The following RGP1 variants were observed in gnomAD, a reference collection of about 807,000 sequenced individuals.
RGP1 encodes the protein RGP1 partner of RAB6A GEF complex.
Under a neutral mutation model 44.5 loss-of-function variants are expected in RGP1, and 28 were observed. That is an observed-to-expected ratio of 0.63 (90% CI 0.47 to 0.86). The LOEUF (loss-of-function observed/expected upper bound fraction) is 0.86, where lower values mean the gene tolerates loss of function less well. Ranked by LOEUF, RGP1 falls within the 40% of genes least tolerant of loss-of-function variation. The pLI is 0.00. For missense variants in RGP1, 417 were observed against 490.7 expected (o/e 0.85, Z 1.42); for synonymous variants, 212 against 196.7 (o/e 1.08, Z -0.65).
downstream of RGP1, among the ~76,000 whole-genome samples, chr9:35,760,829 C>T (rs16932596): frequency 0.047 from 7,203 of 152,278 alleles, 517 homozygotes; most frequent in African/African-American, 0.16. Flanking sequence ...GCTTTGCTTC[C>T]GCTTTTGGCC....
rs1296753470 is a variant in RGP1, at chr9:35,749,673, G to T, written c.-19-64G>T. On this transcript the variant is annotated intron_variant, in intron 1 of 8. Transcript: ENST00000378078. This position sits in a 1 kb window ranked among gnomAD's most constrained non-coding sequence, Gnocchi z 4.4. ...CCCTGTCCTCAGCCCTCAGCCCTAG[G>T]TGCTCACCGCAACGCCCCTCCCTGT... The T allele has an allele frequency of 4.5e-5, 43 of 957,732 alleles. No individual in the cohort carries two copies. The East Asian group carries it at 1.1e-3, about 24-fold the overall frequency. The allele number at this position is 957,732 out of a possible 1,614,324, so 59.3% of individuals were successfully genotyped here.
chr9:35,770,229 A>C, the RGP1 span, among the ~76,000 whole-genome samples: 1 of 152,190 alleles, frequency 6.6e-6, no homozygotes, highest in Admixed American at 6.5e-5. Flanking sequence ...GGAGAATTCA[A>C]GAATAACTGA....
Position 35,753,162 on chromosome 9 carries a change from C to T in RGP1, c.*288C>T, listed in dbSNP as rs1827297599. On this transcript the variant is annotated 3_prime_UTR_variant, in exon 9 of 9. Coordinates refer to ENST00000378078, the MANE Select transcript of RGP1 (RefSeq NM_001080496.3). The surrounding 1 kb of genome is among the most constrained non-coding windows in gnomAD (Gnocchi z 4.2). ...GTGTTGGCTGAGCCCCATTCTGGGT[C>T]AGGCCCTCCCCCTTTGCAGGGCAGC... The T allele has an allele frequency of 1.2e-6, 2 of 1,614,058 alleles. No homozygotes were observed. Among genetic ancestry groups the T allele is most frequent in the African/African-American group, 1.3e-5 (1 of 74,920 alleles).
At chr9:35,776,425 T>G in the RGP1 span, among the ~76,000 whole-genome samples, 2 of 151,854 alleles carry the variant, frequency 1.3e-5, no homozygotes, top group Non-Finnish European at 2.9e-5. Flanking sequence ...GTAGCTGGAA[T>G]TACGGGCGTC....
At chr9:35,779,838 G>C in the RGP1 span, among the ~76,000 whole-genome samples, 1 of 152,090 alleles carries the variant, frequency 6.6e-6, no homozygotes, top group African/African-American at 2.4e-5. Context: ...GGGCACAAGT[G>C]ATCCTCCTGC....
At chr9:35,752,288 C>T (rs1827279740) in intron 8 of RGP1, 143 bp downstream of exon 8, 1 of 825,622 alleles carries the variant, frequency 1.2e-6, no homozygotes, top group African/African-American at 1.7e-5. Flanking sequence ...TTTCTCAGAC[C>T]TTCAACCTCT....
At chr9:35,760,998 A>C (rs1320685323), downstream of RGP1, among the ~76,000 whole-genome samples, 1 of 152,232 alleles carries the variant, frequency 6.6e-6, no homozygotes, top group Non-Finnish European at 1.5e-5. Context: ...CCCCATCCCC[A>C]AAACTACCCA....
At chr9:35,782,734 C>A in the RGP1 span, among the ~76,000 whole-genome samples, 6 of 151,964 alleles carry the variant, frequency 3.9e-5, no homozygotes, top group Admixed American at 2.6e-4. Context: ...GTGTGAGCCA[C>A]CACGCCAGGC....
In RGP1 at chr9:35,755,259, C is replaced by A. The variant is rs367891384; in HGVS notation, c.*2385C>A. On this transcript the variant is annotated 3_prime_UTR_variant, in exon 9 of 9. Coordinates refer to ENST00000378078, the MANE Select transcript of RGP1 (RefSeq NM_001080496.3). ...TGTTATGAGGATTACTGAGATAATGCGTGCAGTGCTCTTATCACCATCTCT... is the reference window on the plus strand; with the variant it reads ...TGTTATGAGGATTACTGAGATAATGAGTGCAGTGCTCTTATCACCATCTCT... The A allele has an allele frequency of 6.6e-6, 1 of 152,224 alleles. No individual in the cohort carries two copies. Among genetic ancestry groups the A allele is most frequent in the African/African-American group, 2.4e-5 (1 of 41,444 alleles). The allele number at this position is 152,224 out of a possible 1,614,324, so 9.4% of individuals were successfully genotyped here. A position where few individuals can be genotyped will look rare whatever the true frequency, so the allele number is the denominator to read the frequency against.
chr9:35,759,567 C>CAAAAAAA (rs57938702), downstream of RGP1, among the ~76,000 whole-genome samples: 3 of 38,308 alleles, frequency 7.8e-5, no homozygotes, highest in African/African-American at 1.0e-4. Flanking sequence ...ACCCTGTCTC[C>CAAAAAAA]AAAAAAAAAA....
At chr9:35,765,434 A>T in the RGP1 span, among the ~76,000 whole-genome samples, 1 of 152,216 alleles carries the variant, frequency 6.6e-6, no homozygotes, top group Non-Finnish European at 1.5e-5. Context: ...AAGCAGGCAG[A>T]CTGCTTGAGT....
In RGP1 at chr9:35,754,123, G is replaced by C. The variant is rs749891428; in HGVS notation, c.*1249G>C. 1.9e-6 allele frequency: 3 copies of C among 1,612,610 alleles called. No individual in the cohort carries two copies. In the East Asian group the frequency reaches 6.7e-5, roughly 36 times the overall value. On this transcript the variant is annotated 3_prime_UTR_variant, in exon 9 of 9. Transcript: ENST00000378078. Reference sequence around the variant, plus strand: ...GCCTGTCCAGCCCAGAGCATCCTTAGGGCCATTGCTGCTGCACAGCCCTCT... The same window carrying C: ...GCCTGTCCAGCCCAGAGCATCCTTACGGCCATTGCTGCTGCACAGCCCTCT...
In RGP1 at chr9:35,753,036, G is replaced by A; in HGVS notation, c.*162G>A. 6.3e-7 allele frequency: 1 copy of A among 1,583,624 alleles called. No individual in the cohort carries two copies. The highest frequency in any genetic ancestry group is 8.6e-7 in the Non-Finnish European group (1 of 1,157,682). On this transcript the variant is annotated 3_prime_UTR_variant, in exon 9 of 9. Transcript: ENST00000378078. The surrounding 1 kb of genome is among the most constrained non-coding windows in gnomAD (Gnocchi z 4.2). ...ATTTGTTCAGAATACATTGGCAGCT[G>A]CTAGTGGTTTCCCTGGAAGTGGCAG...
At chr9:35,788,452 G>A in the RGP1 span, among the ~76,000 whole-genome samples, 1 of 152,166 alleles carries the variant, frequency 6.6e-6, no homozygotes, top group South Asian at 2.1e-4. Flanking sequence ...TGTAATCCCA[G>A]CTACTTGGAA....
At chr9:35,770,935 G>A in the RGP1 span, among the ~76,000 whole-genome samples, 3 of 152,222 alleles carry the variant, frequency 2.0e-5, no homozygotes, top group South Asian at 2.1e-4. Flanking sequence ...TCACACAGGC[G>A]TATTATATCT....
the RGP1 span, among the ~76,000 whole-genome samples, chr9:35,764,637 C>T: frequency 2.0e-5 from 3 of 152,082 alleles, no homozygotes; most frequent in Non-Finnish European, 4.4e-5. Flanking sequence ...TGTCACCACC[C>T]CACCACTGCC....
Position 35,753,249 on chromosome 9 carries a change from A to T in RGP1, c.*375A>T. The T allele has an allele frequency of 3.1e-6, 5 of 1,614,062 alleles. No homozygotes were observed. The highest frequency in any genetic ancestry group is 3.4e-6 in the Non-Finnish European group (4 of 1,180,012). On this transcript the variant is annotated 3_prime_UTR_variant, in exon 9 of 9. Coordinates refer to ENST00000378078, the MANE Select transcript of RGP1 (RefSeq NM_001080496.3). The surrounding 1 kb of genome is among the most constrained non-coding windows in gnomAD (Gnocchi z 4.2). Reference sequence around the variant, plus strand: ...GTTCCTGCCTCCTGACGTACCTCACACCCAGCCGGGAAGTCGATGGGATGC... The same window carrying T: ...GTTCCTGCCTCCTGACGTACCTCACTCCCAGCCGGGAAGTCGATGGGATGC...
chr9:35,763,848 C>G, the RGP1 span, among the ~76,000 whole-genome samples: 3 of 136,290 alleles, frequency 2.2e-5, no homozygotes, highest in Admixed American at 8.1e-5. Context: ...TGCCACTGCA[C>G]TCCAGTTTGG....
chr9:35,751,891 G>C, intron 7 of RGP1, 65 bp from the exon 8 acceptor site: 1 of 1,559,498 alleles, frequency 6.4e-7, no homozygotes, highest in Non-Finnish European at 8.7e-7. Flanking sequence ...ACAGCTTGAG[G>C]TTGGGCTGTC....
Sources: allele counts gnomAD v4.1 joint callset (sites outside exome capture counted in the v4.1 genomes callset), GRCh38; gene constraint gnomAD v4.1.1; non-coding constraint Gnocchi (gnomAD v3.1); transcripts MANE v1.5; gene names NCBI Gene and HGNC (gene_info 2026-07-23, HGNC 2026-07-21).